ZNF469: variants seen among roughly 807,000 people sequenced by gnomAD.
ZNF469 encodes the protein zinc finger protein 469.
ZNF469 carries 1 observed loss-of-function variant against 1.0 expected under a neutral mutation model. The ratio of observed to expected loss-of-function variants is 1.00; its 90% CI spans 0.35 to 4.73. The LOEUF is 4.73. Ranked by LOEUF, ZNF469 falls within the 30% of genes most tolerant of loss-of-function variation. The pLI, the probability that ZNF469 is intolerant of heterozygous loss-of-function variation, is 0.16. For missense variants in ZNF469, 6,100 were observed against 5,356.3 expected, an observed-to-expected ratio of 1.14 and a Z score of -4.33; for synonymous variants, 2,703 against 2,363.4, an observed-to-expected ratio of 1.14 and a Z score of -4.17.
rs1173412183 is a variant in ZNF469 at position 88,431,276 on chromosome 16, C to T, written c.3806C>T (p.Pro1269Leu). 9 of 1,550,202 alleles carry T rather than the reference C, an allele frequency of 5.8e-6. No homozygotes were observed. Among genetic ancestry groups the T allele is most frequent in the Non-Finnish European group, 7.0e-6 (8 of 1,146,976 alleles). Residue 1269 changes from proline (P) to leucine (L), a missense_variant, in exon 3 of 3, where the codon CCG (proline) becomes CTG (leucine). By Grantham distance (98) the Pro-to-Leu change is moderately conservative (BLOSUM62 -3). Coordinates refer to ENST00000565624, the MANE Select transcript of ZNF469 (RefSeq NM_001367624.2). ...SPGLLIPEQP[P>L]PSRHDTGTPK... ...GGTCTCCTGATACCAGAGCAGCCGC[C>T]GCCCAGCAGACATGACACCGGCACC... is the stretch of plus-strand genomic sequence containing the variant.
chr16:88,291,497 G>A, the ZNF469 span, among the ~76,000 whole-genome samples: 11 of 152,146 alleles, frequency 7.2e-5, 1 homozygote, highest in Admixed American at 3.9e-4. Flanking sequence ...TCTTCGCATC[G>A]GGCAGCCATC....
rs1242478205 is a variant in ZNF469 at position 88,439,145 on chromosome 16, G to A, written c.11675G>A (p.Gly3892Asp). 4 of 1,550,616 alleles carry A rather than the reference G, an allele frequency of 2.6e-6. No individual in the cohort carries two copies. Among genetic ancestry groups the A allele is most frequent in the African/African-American group, 1.4e-5 (1 of 73,070 alleles). Reference protein sequence around the residue: ...PGHTQRKDRLGKAFPQGRPLL... With the variant: ...PGHTQRKDRLDKAFPQGRPLL... ...CACACACAGAGGAAGGACAGACTGG[G>A]CAAGGCCTTCCCCCAGGGGAGACCC... The change falls in exon 3 of 3, where the codon GGC becomes GAC. Residue 3892 changes from glycine to aspartate, a missense_variant. Transcript: ENST00000565624.
the ZNF469 span, among the ~76,000 whole-genome samples, chr16:88,249,506 G>A: frequency 1.2e-4 from 15 of 127,026 alleles, no homozygotes; most frequent in African/African-American, 1.8e-4. Flanking sequence ...GCACCATCTC[G>A]GCTCACTGCA....
At chr16:88,259,328 C>T in the ZNF469 span, among the ~76,000 whole-genome samples, 1 of 151,796 alleles carries the variant, frequency 6.6e-6, no homozygotes, top group Non-Finnish European at 1.5e-5. The surrounding 1 kb of genome is among the most constrained non-coding windows in gnomAD (Gnocchi z 4.1). Flanking sequence ...TTCCCTCAGC[C>T]GCATCCCGCG....
the ZNF469 span, among the ~76,000 whole-genome samples, chr16:88,167,117 A>C: frequency 7.5e-6 from 1 of 133,836 alleles, no homozygotes; most frequent in Non-Finnish European, 1.5e-5. Context: ...GCTGGAGTGC[A>C]GTGGTGTGAT....
At chr16:88,155,726 T>C in the ZNF469 span, among the ~76,000 whole-genome samples, 399 of 152,380 alleles carry the variant, frequency 2.6e-3, 2 homozygotes, top group African/African-American at 8.6e-3. Context: ...TCGTTTTCAC[T>C]TTTTGGCCAT....
the ZNF469 span, among the ~76,000 whole-genome samples, chr16:88,198,977 C>T: frequency 6.6e-6 from 1 of 152,224 alleles, no homozygotes; most frequent in Non-Finnish European, 1.5e-5. Flanking sequence ...CTCATGTTCT[C>T]TGTTAGCTGG....
At chr16:88,347,044 AAG>A in the ZNF469 span, among the ~76,000 whole-genome samples, 57 of 152,324 alleles carry the variant, frequency 3.7e-4, no homozygotes, top group African/African-American at 1.3e-3. Flanking sequence ...TTCACAGGGA[AAG>A]AGCAGAAATG....
At chr16:88,283,036 TG>T in the ZNF469 span, among the ~76,000 whole-genome samples, 7 of 152,182 alleles carry the variant, frequency 4.6e-5, no homozygotes, top group Non-Finnish European at 7.3e-5. Context: ...GTCAAGAAGT[TG>T]GCAAACCCAG....
the ZNF469 span, among the ~76,000 whole-genome samples, chr16:88,368,539 G>A: frequency 2.6e-5 from 4 of 152,234 alleles, no homozygotes; most frequent in Admixed American, 6.5e-5. Flanking sequence ...GAGAGAAGGT[G>A]GTCTGGAGAG....
chr16:88,389,745 G>A (rs557638906), intron 1 of ZNF469, among the ~76,000 whole-genome samples: 11 of 152,348 alleles, frequency 7.2e-5, no homozygotes, highest in Non-Finnish European at 1.3e-4. Context: ...GATTCCCTGA[G>A]TAGGGAAGTC....
At chr16:88,277,597 C>T in the ZNF469 span, among the ~76,000 whole-genome samples, 16 of 149,800 alleles carry the variant, frequency 1.1e-4, no homozygotes, top group Admixed American at 7.9e-4. Flanking sequence ...TGCTGCACCA[C>T]GCTGATGCTC....
the ZNF469 span, among the ~76,000 whole-genome samples, chr16:88,347,205 G>T: frequency 1.3e-5 from 2 of 152,098 alleles, no homozygotes; most frequent in African/African-American, 4.8e-5. Flanking sequence ...AATGCAGGAG[G>T]CCCCTGAACC....
At chr16:88,209,915 G>T in the ZNF469 span, among the ~76,000 whole-genome samples, 1 of 152,184 alleles carries the variant, frequency 6.6e-6, no homozygotes, top group East Asian at 1.9e-4. Flanking sequence ...ACTGTTGTAA[G>T]AGTATCTTCA....
At chr16:88,330,608 G>C in the ZNF469 span, among the ~76,000 whole-genome samples, 21 of 152,350 alleles carry the variant, frequency 1.4e-4, no homozygotes, top group African/African-American at 4.8e-4. Flanking sequence ...AAAGAAGCTT[G>C]TGTCTGGCTT....
intron 1 of ZNF469, among the ~76,000 whole-genome samples, chr16:88,393,623 C>T (rs571714402): frequency 2.6e-4 from 40 of 152,218 alleles, no homozygotes; most frequent in African/African-American, 7.7e-4. Context: ...AGGAGGGGTT[C>T]GGGTGGGGGT....
Position 88,393,311 on chromosome 16 carries a change from C to T in ZNF469, c.-192+10057C>T, listed in dbSNP as rs541845478. On this transcript the variant is annotated intron_variant, in intron 1 of 2. Transcript: ENST00000565624. ...AGCAGGGTCAGCCCAGGGCCCGCGGCATCCGATTGTTAGCTGAGCGCTCAG... is the reference window on the plus strand; with the variant it reads ...AGCAGGGTCAGCCCAGGGCCCGCGGTATCCGATTGTTAGCTGAGCGCTCAG... Among the ~76,000 whole-genome samples, 10 of 152,368 alleles carry T rather than the reference C, an allele frequency of 6.6e-5. No individual in the cohort carries two copies. The South Asian group carries it at 1.7e-3, about 25-fold the overall frequency.
At chr16:88,101,639 AG>A in the ZNF469 span, among the ~76,000 whole-genome samples, 1 of 152,086 alleles carries the variant, frequency 6.6e-6, no homozygotes, top group Non-Finnish European at 1.5e-5. Flanking sequence ...GGGGCTTGCA[AG>A]TCCACAGCGA....
the ZNF469 span, among the ~76,000 whole-genome samples, chr16:88,165,195 C>T: frequency 2.0e-5 from 3 of 152,200 alleles, no homozygotes; most frequent in Non-Finnish European, 4.4e-5. Flanking sequence ...GTCTGTCTGG[C>T]ATCATGTGCA....
Sources: gnomAD v4.1 joint callset for allele counts (sites outside exome capture counted in the v4.1 genomes callset) on GRCh38, gnomAD v4.1.1 for gene constraint, Gnocchi (gnomAD v3.1) non-coding constraint, MANE v1.5 for transcripts, NCBI Gene and HGNC (gene_info 2026-07-23, HGNC 2026-07-21) for gene names.